SLC29A4: variants seen among roughly 807,000 people sequenced by gnomAD.
SLC29A4 encodes the protein equilibrative nucleoside transporter 4.
Under a neutral mutation model 43.9 loss-of-function variants are expected in SLC29A4, and 36 were observed. The observed-to-expected ratio is 0.82, with a 90% confidence interval of 0.63 to 1.08. The LOEUF is 1.08. Among genes scored for constraint, SLC29A4 ranks in the 50% least tolerant of loss-of-function variants. The pLI, the probability that SLC29A4 is intolerant of heterozygous loss-of-function variation, is 0.00. For synonymous variants in SLC29A4, 491 were observed against 338.0 expected (o/e 1.45, Z -4.97); for missense variants, 869 against 755.3 (o/e 1.15, Z -1.77).
chr7:5,302,480 C>T (rs1405413446), intron 10 of SLC29A4, among the ~76,000 whole-genome samples: 1 of 152,140 alleles, frequency 6.6e-6, no homozygotes, highest in Non-Finnish European at 1.5e-5. Context: ...GAGGTCAAGG[C>T]TGCAGGAAGC....
chr7:5,302,719 C>T lies in SLC29A4; in HGVS notation c.1451-78C>T, dbSNP rs1305603924. ...GCGGCACGGTTCAGGCGGGTGTCAC[C>T]GCACCTCACACCCGAGCAGCCGTGG... On this transcript the variant is annotated intron_variant, in intron 10 of 10. Transcript: ENST00000396872. The T allele has an allele frequency of 6.3e-6, 9 of 1,423,284 alleles. No individual in the cohort carries two copies. In the East Asian group the frequency reaches 1.0e-4, roughly 16 times the overall value. 88.2% of individuals were successfully genotyped at this position (1,423,284 alleles called of 1,614,324 possible).
chr7:5,288,691 G>A lies in SLC29A4; in HGVS notation c.169+706G>A, dbSNP rs560560359. The stretch of plus-strand genomic sequence containing the variant: ...CTCACTGCAAAGGAGCCAGGAAAGT[G>A]CCTGAATAGGACTGGATGTGAGGTT... On this transcript the variant is annotated intron_variant, in intron 2 of 10. Coordinates refer to ENST00000396872, the MANE Select transcript of SLC29A4 (RefSeq NM_153247.4). Among the ~76,000 whole-genome samples the A allele has an allele frequency of 2.2e-3, 331 of 152,262 alleles. 5 individuals carry two copies. The highest frequency in any genetic ancestry group is 7.6e-3 in the African/African-American group (315 of 41,512).
At chr7:5,293,219 C>T (rs1007303011) in intron 5 of SLC29A4, among the ~76,000 whole-genome samples, 2 of 136,326 alleles carry the variant, frequency 1.5e-5, no homozygotes, top group East Asian at 2.2e-4. Context: ...GGCTGGAGTG[C>T]AGAGTGCAGT....
Position 5,294,730 on chromosome 7 carries a change from C to T in SLC29A4, c.545-130C>T, listed in dbSNP as rs186881489. 263 of 894,362 alleles carry T rather than the reference C, an allele frequency of 2.9e-4. 2 individuals are homozygous for T. The African/African-American group carries it at 3.9e-3, about 13-fold the overall frequency. 55.4% of individuals were successfully genotyped at this position (894,362 alleles called of 1,614,324 possible). On this transcript the variant is annotated intron_variant, in intron 5 of 10. Transcript: ENST00000396872. ...GTGTTCCTACTGCTGCGTGTCAAATCTCTCTGCCATTAGTGGTGTTAACGG... is the reference window on the plus strand; with the variant it reads ...GTGTTCCTACTGCTGCGTGTCAAATTTCTCTGCCATTAGTGGTGTTAACGG...
chr7:5,294,762 A>T, intron 5 of SLC29A4, 98 bp from the exon 6 acceptor site: 1 of 1,242,074 alleles, frequency 8.1e-7, no homozygotes, highest in Non-Finnish European at 1.2e-6. Flanking sequence ...ACGGCTGTTT[A>T]CGCACCCTCG....
intron 1 of SLC29A4, among the ~76,000 whole-genome samples, chr7:5,283,661 G>A (rs1396665438): frequency 1.3e-5 from 2 of 152,228 alleles, no homozygotes; most frequent in African/African-American, 4.8e-5. Context: ...TGCAGAAAGG[G>A]GGTGGCCGGA....
chr7:5,286,610 A>G (rs1784969155), intron 1 of SLC29A4, among the ~76,000 whole-genome samples: 1 of 152,112 alleles, frequency 6.6e-6, no homozygotes, highest in Non-Finnish European at 1.5e-5. Flanking sequence ...ACACAGTGCA[A>G]GCGTCTCCAT....
chr7:5,303,070 C>G lies in SLC29A4; in HGVS notation c.*131C>G. 1 of 1,124,458 alleles carries G rather than the reference C, an allele frequency of 8.9e-7. No individual in the cohort carries two copies. Among genetic ancestry groups the G allele is most frequent in the African/African-American group, 1.6e-5 (1 of 63,228 alleles). 69.7% of individuals were successfully genotyped at this position (1,124,458 alleles called of 1,614,324 possible). A position where few individuals can be genotyped will look rare whatever the true frequency, so the allele number is the denominator to read the frequency against. ...CCCCCTGTGCCAGCAGCCCCACTCC[C>G]TCAGGGTCCAGCCATGCCCCACCCT... On this transcript the variant is annotated 3_prime_UTR_variant, in exon 11 of 11. Coordinates refer to ENST00000396872, the MANE Select transcript of SLC29A4 (RefSeq NM_153247.4).
In SLC29A4 at chr7:5,296,985, G is replaced by T. The variant is rs764264185; in HGVS notation, c.669G>T (p.Leu223=). ...TGAGCCGCATCCTCACGAAGCTGCT[G>T]CTGCCCGACGAGCGCGCCAGCACGC... ...ISLSRILTKL[L]LPDERASTLI... Residue 223 remains leucine, a synonymous_variant, in exon 7 of 11, where the codon CTG becomes CTT. Coordinates refer to ENST00000396872, the MANE Select transcript of SLC29A4 (RefSeq NM_153247.4). 2 of 1,602,958 alleles carry T rather than the reference G, an allele frequency of 1.2e-6. No individual in the cohort carries two copies.
In SLC29A4 at chr7:5,303,034, G is replaced by A. The variant is rs1357994275; in HGVS notation, c.*95G>A. On this transcript the variant is annotated 3_prime_UTR_variant, in exon 11 of 11. Coordinates refer to ENST00000396872, the MANE Select transcript of SLC29A4 (RefSeq NM_153247.4). ...CTGTCCCCACCTCAGTGCCTGCGGG[G>A]CCCTGAGCCTCCCCCTGTGCCAGCA... The A allele has an allele frequency of 2.1e-6, 3 of 1,409,002 alleles. No individual in the cohort carries two copies. In the Admixed American group the frequency reaches 7.4e-5, roughly 35 times the overall value. 87.3% of individuals were successfully genotyped at this position (1,409,002 alleles called of 1,614,324 possible). A position where few individuals can be genotyped will look rare whatever the true frequency, so the allele number is the denominator to read the frequency against.
intron 1 of SLC29A4, among the ~76,000 whole-genome samples, chr7:5,286,583 C>G (rs1456380031): frequency 1.3e-5 from 2 of 151,998 alleles, no homozygotes; most frequent in Non-Finnish European, 2.9e-5. Context: ...CTGCCTCAGG[C>G]ACACACAGGG....
rs6946155 is a variant in SLC29A4, at chr7:5,299,139, A to G, written c.1021+13A>G. The G allele has an allele frequency of 0.23, 373,373 of 1,605,036 alleles. 45,061 individuals are homozygous for G. The highest frequency in any genetic ancestry group is 0.25 in the Non-Finnish European group (294,416 of 1,175,394). ...CCCACCTTCAGAGGTGAGTGCGGGG[A>G]GTCCTCTGCTGCCCTGGCTCTGGCA... On this transcript the variant is annotated intron_variant, in intron 8 of 10. Transcript: ENST00000396872.
chr7:5,288,852 C>G (rs1225134779), intron 2 of SLC29A4, among the ~76,000 whole-genome samples: 4 of 152,158 alleles, frequency 2.6e-5, no homozygotes, highest in Admixed American at 2.6e-4. Context: ...AGCCCACAGG[C>G]TTGGAGTCTG....
chr7:5,292,001 G>T (rs1785341710), intron 5 of SLC29A4, among the ~76,000 whole-genome samples, 180 bp downstream of exon 5: 1 of 152,266 alleles, frequency 6.6e-6, no homozygotes, highest in Non-Finnish European at 1.5e-5. Context: ...AGCCTGTGTA[G>T]TGTGTCTGCA....
rs1171686160 is a variant in SLC29A4, at chr7:5,300,442, G to T, written c.1230G>T (p.Val410=). Reference sequence around the variant, plus strand: ...TGCAGATCCTGGCAGCCCTGCCCGTGGACTGGCGGGGCACCCACCTGCTGG... The same window carrying T: ...TGCAGATCCTGGCAGCCCTGCCCGTTGACTGGCGGGGCACCCACCTGCTGG... The part of the protein sequence containing the change: ...FVGKILAALP[V]DWRGTHLLAC... The change falls in exon 10 of 11, where the codon GTG becomes GTT. Residue 410 remains valine, a synonymous_variant. Coordinates refer to ENST00000396872, the MANE Select transcript of SLC29A4 (RefSeq NM_153247.4). The T allele has an allele frequency of 2.5e-6, 4 of 1,611,116 alleles. No individual in the cohort carries two copies. The East Asian group carries it at 8.9e-5, about 36-fold the overall frequency.
intron 10 of SLC29A4, 25 bp from the exon 11 acceptor site, chr7:5,302,772 C>T (rs776866355): frequency 5.2e-6 from 8 of 1,542,340 alleles, no homozygotes; most frequent in South Asian, 3.6e-5. Flanking sequence ...TGGCCCTGCT[C>T]CCCTCAGGCT....
intron 6 of SLC29A4, among the ~76,000 whole-genome samples, chr7:5,295,200 C>G (rs1785567276): frequency 6.6e-6 from 1 of 152,092 alleles, no homozygotes; most frequent in African/African-American, 2.4e-5. Context: ...ATCGGGGAAG[C>G]TTATGTCTCT....
chr7:5,284,995 G>C (rs1421084824), intron 1 of SLC29A4, among the ~76,000 whole-genome samples: 1 of 152,172 alleles, frequency 6.6e-6, no homozygotes, highest in African/African-American at 2.4e-5. Context: ...GTCCTCCTGG[G>C]CTGGGCTGGC....
intron 7 of SLC29A4, among the ~76,000 whole-genome samples, chr7:5,298,428 C>G (rs555359227): frequency 2.1e-4 from 32 of 152,182 alleles, no homozygotes; most frequent in African/African-American, 7.5e-4. Context: ...GGACCAGATG[C>G]TCTGGTTGGT....
Sources: gnomAD v4.1 joint callset for allele counts (sites outside exome capture counted in the v4.1 genomes callset) on GRCh38, gnomAD v4.1.1 for gene constraint, MANE v1.5 for transcripts, NCBI Gene and HGNC (gene_info 2026-07-23, HGNC 2026-07-21) for gene names.